Variants in ZNF236 observed in about 807,000 individuals in gnomAD.
ZNF236 encodes zinc finger protein 236, also known as regulated by glucose.
ZNF236 carries 50 observed loss-of-function variants against 191.2 expected under a neutral mutation model. The ratio of observed to expected loss-of-function variants is 0.26; its 90% CI spans 0.21 to 0.33. ZNF236 has a LOEUF of 0.33. ZNF236 is among the 10% of genes least tolerant of loss of function. The pLI, the probability that ZNF236 is intolerant of heterozygous loss-of-function variation, is 1.00. For synonymous variants in ZNF236, 907 were observed against 928.8 expected (o/e 0.98, Z 0.43); for missense variants, 1,754 against 2,374.5 (o/e 0.74, Z 5.43).
chr18:76,851,420 C>T (rs975629153), intron 2 of ZNF236, among the ~76,000 whole-genome samples: 18 of 152,010 alleles, frequency 1.2e-4, no homozygotes, highest in African/African-American at 1.7e-4. Flanking sequence ...CGTGAGCCAC[C>T]GTGCCTGGGC....
At chr18:76,899,955 A>G (rs1568219624) in intron 11 of ZNF236, among the ~76,000 whole-genome samples, 1 of 152,176 alleles carries the variant, frequency 6.6e-6, no homozygotes, top group Non-Finnish European at 1.5e-5. Context: ...TCTTCCTCAT[A>G]GATAGTGCCT....
rs75557597 is a variant in ZNF236, at chr18:76,906,615, G to A, written c.2297+1200G>A. ...CCTCTTCCAGTGTCCTTTCGTAGTA[G>A]TATTGGGAATATGGGTGTTCAGGCC... On this transcript the variant is annotated intron_variant, in intron 13 of 30. Coordinates refer to ENST00000320610, the MANE Select transcript of ZNF236 (RefSeq NM_001306089.2). 1.5e-3 allele frequency among the ~76,000 whole-genome samples: 223 copies of A among 152,320 alleles called. 1 individual carries two copies. The highest frequency in any genetic ancestry group is 5.1e-3 in the African/African-American group (213 of 41,564).
At chr18:76,855,691 T>C (rs1418207899) in intron 3 of ZNF236, among the ~76,000 whole-genome samples, 1 of 152,210 alleles carries the variant, frequency 6.6e-6, no homozygotes, top group Non-Finnish European at 1.5e-5. Context: ...TGTCGATGTT[T>C]GAGTTCTCAA....
chr18:76,867,647 G>C (rs1374364832), intron 3 of ZNF236, among the ~76,000 whole-genome samples: 2 of 152,154 alleles, frequency 1.3e-5, no homozygotes, highest in East Asian at 1.9e-4. Context: ...TACTGTAATT[G>C]TGTGATGGAA....
chr18:76,863,743 G>T (rs1019635506), intron 3 of ZNF236, among the ~76,000 whole-genome samples: 1 of 152,056 alleles, frequency 6.6e-6, no homozygotes, highest in Admixed American at 6.6e-5. Context: ...TCTATATGTG[G>T]TAAATGTCCT....
rs1281261097 is a variant in ZNF236 at position 76,880,794 on chromosome 18, C to CCACCGTGACTTCACACTAACT, written c.1188+480_1189-468dup. On this transcript the variant is annotated intron_variant, in intron 8 of 30. Coordinates refer to ENST00000320610, the MANE Select transcript of ZNF236 (RefSeq NM_001306089.2). The surrounding 1 kb of genome is among the most constrained non-coding windows in gnomAD (Gnocchi z 5.0). ...AGCGCAGAGCCCCCAGCTTTCTAGT[C>CCACCGTGACTTCACACTAACT]CACCGTGACTTCACACTAACTCTTC... 1.3e-5 allele frequency among the ~76,000 whole-genome samples: 2 copies of CCACCGTGACTTCACACTAACT among 152,100 alleles called. No homozygotes were observed. Among genetic ancestry groups the CCACCGTGACTTCACACTAACT allele is most frequent in the Non-Finnish European group, 2.9e-5 (2 of 68,016 alleles).
intron 1 of ZNF236, among the ~76,000 whole-genome samples, chr18:76,827,848 G>C (rs923256916): frequency 2.0e-5 from 3 of 152,146 alleles, no homozygotes; most frequent in African/African-American, 7.2e-5. Context: ...AATTATTTTA[G>C]CAATAATGTG....
Position 76,913,882 on chromosome 18 carries a change from C to T in ZNF236, c.3045C>T (p.His1015=), listed in dbSNP as rs199684371. The change falls in exon 18 of 31, where the codon CAC becomes CAT. Residue 1015 remains histidine, a synonymous_variant. Transcript: ENST00000320610. ...TTTCCTCTGGGGTCCTCAAGTCCCA[C>T]GAGAAGACACACACAGGTCACTGTC... The part of the protein sequence containing the change: ...GFVSSGVLKS[H]EKTHTGVKAF... 46 of 1,614,142 alleles carry T rather than the reference C, an allele frequency of 2.8e-5. No homozygotes were observed. The Middle Eastern group carries it at 4.9e-4, about 17-fold the overall frequency.
intron 1 of ZNF236, chr18:76,824,355 C>T (rs770882755): frequency 6.4e-6 from 5 of 781,082 alleles, no homozygotes; most frequent in Non-Finnish European, 7.2e-6. Flanking sequence ...TTTCGCACAC[C>T]TCATGGGCCT....
Position 76,881,474 on chromosome 18 carries a change from A to C in ZNF236, c.1379A>C (p.Glu460Ala). Residue 460 changes from glutamate to alanine, a missense_variant, in exon 9 of 31, where the codon GAA becomes GCA. By Grantham distance (107) the Glu-to-Ala change is moderately radical (BLOSUM62 -1). Transcript: ENST00000320610. Reference protein sequence around the residue: ...QESPEKLDKKEKKMIKKKSPF... With the variant: ...QESPEKLDKKAKKMIKKKSPF... Reference sequence around the variant, plus strand: ...AGCCCGGAGAAACTGGATAAAAAAGAAAAAAAAATGATAAAGAAGAAGTCA... The same window carrying C: ...AGCCCGGAGAAACTGGATAAAAAAGCAAAAAAAATGATAAAGAAGAAGTCA... The C allele has an allele frequency of 6.2e-7, 1 of 1,609,360 alleles. No homozygotes were observed.
At chr18:76,947,988 G>GC (rs149605980) in intron 27 of ZNF236, among the ~76,000 whole-genome samples, 1 of 152,130 alleles carries the variant, frequency 6.6e-6, no homozygotes, top group East Asian at 1.9e-4. Context: ...CACATATCCA[G>GC]CCACTTGCAC....
rs1402364068 is a variant in ZNF236 at position 76,880,970 on chromosome 18, A to G, written c.1189-314A>G. 1.3e-5 allele frequency among the ~76,000 whole-genome samples: 2 copies of G among 152,244 alleles called. No individual in the cohort carries two copies. Among genetic ancestry groups the G allele is most frequent in the Non-Finnish European group, 2.9e-5 (2 of 68,040 alleles). On this transcript the variant is annotated intron_variant, in intron 8 of 30. Transcript: ENST00000320610. This position sits in a 1 kb window ranked among gnomAD's most constrained non-coding sequence, Gnocchi z 5.0. ...GTAACTCAAAAGCCTTAAAATAGGG[A>G]TTCCCAAGACTATTTAGAGACAACC...
chr18:76,906,320 C>A (rs562667405), intron 13 of ZNF236, among the ~76,000 whole-genome samples: 1 of 152,126 alleles, frequency 6.6e-6, no homozygotes, highest in African/African-American at 2.4e-5. Context: ...GTGGTATTGG[C>A]GGTGTTATAT....
In ZNF236 at chr18:76,968,752, C is replaced by A. The variant is rs1472766654; in HGVS notation, c.*413C>A. On this transcript the variant is annotated 3_prime_UTR_variant, in exon 31 of 31. Coordinates refer to ENST00000320610, the MANE Select transcript of ZNF236 (RefSeq NM_001306089.2). The stretch of plus-strand genomic sequence containing the variant: ...TTCTGGTTATAAGAAGCATAGCTTA[C>A]AAAGCAAGCGTAAGATTGAGGCATG... 1 of 995,190 alleles carries A rather than the reference C, an allele frequency of 1.0e-6. No individual in the cohort carries two copies. The highest frequency in any genetic ancestry group is 1.7e-5 in the African/African-American group (1 of 57,270). 61.6% of individuals were successfully genotyped at this position (995,190 alleles called of 1,614,324 possible). A position where few individuals can be genotyped will look rare whatever the true frequency, so the allele number is the denominator to read the frequency against.
intron 28 of ZNF236, among the ~76,000 whole-genome samples, chr18:76,959,376 A>T (rs547811242): frequency 1.3e-5 from 2 of 152,088 alleles, no homozygotes; most frequent in African/African-American, 4.8e-5. Flanking sequence ...TCATGGCATG[A>T]CGCCCTTGGT....
intron 1 of ZNF236, chr18:76,824,270 C>A: frequency 1.3e-6 from 1 of 777,340 alleles, no homozygotes; most frequent in South Asian, 1.3e-5. Flanking sequence ...GAATTCTTGT[C>A]GTGATTGCAC....
chr18:76,835,910 A>G (rs145481982), intron 1 of ZNF236, among the ~76,000 whole-genome samples: 249 of 152,024 alleles, frequency 1.6e-3, no homozygotes, highest in African/African-American at 5.8e-3. Context: ...TGCTATTTAT[A>G]CATTCTTTTT....
chr18:76,865,521 G>T (rs768863231), intron 3 of ZNF236, among the ~76,000 whole-genome samples: 3 of 152,160 alleles, frequency 2.0e-5, no homozygotes, highest in Non-Finnish European at 2.9e-5. Flanking sequence ...CATTCAGAGA[G>T]CCTTCTGAAG....
intron 13 of ZNF236, 106 bp downstream of exon 13, chr18:76,905,521 C>A: frequency 1.0e-6 from 1 of 981,264 alleles, no homozygotes; most frequent in Non-Finnish European, 1.4e-6. Context: ...ATTATTATTT[C>A]TAGCTCATAC....
Sources: allele counts gnomAD v4.1 joint callset (sites outside exome capture counted in the v4.1 genomes callset), GRCh38; gene constraint gnomAD v4.1.1; non-coding constraint Gnocchi (gnomAD v3.1); transcripts MANE v1.5; gene names NCBI Gene and HGNC (gene_info 2026-07-23, HGNC 2026-07-21).